Variants in PARP16 observed in about 807,000 individuals in gnomAD.
PARP16 encodes protein mono-ADP-ribosyltransferase PARP16.
Under a neutral mutation model 35.0 loss-of-function variants are expected in PARP16, and 31 were observed. That is an observed-to-expected ratio of 0.88 (90% CI 0.66 to 1.19). PARP16 has a LOEUF of 1.19. Ranked by LOEUF, PARP16 falls within the 50% of genes most tolerant of loss-of-function variation. The pLI is 0.00. For missense variants in PARP16, 424 were observed against 411.2 expected, an observed-to-expected ratio of 1.03 and a Z score of -0.27; for synonymous variants, 162 against 169.5, an observed-to-expected ratio of 0.96 and a Z score of 0.34.
intron 3 of PARP16, among the ~76,000 whole-genome samples, chr15:65,245,801 C>T (rs1191900932): frequency 1.3e-5 from 2 of 152,198 alleles, no homozygotes; most frequent in Non-Finnish European, 2.9e-5. Context: ...TTTGACCAGA[C>T]ATTCCCTGTC....
At chr15:65,235,743 G>C (rs2088862366) in intron 3 of PARP16, among the ~76,000 whole-genome samples, 1 of 151,564 alleles carries the variant, frequency 6.6e-6, no homozygotes, top group Non-Finnish European at 1.5e-5. Flanking sequence ...TGGAGTCGAG[G>C]GGGCAGTGAG....
At chr15:65,243,336 G>A (rs1000963311) in intron 3 of PARP16, among the ~76,000 whole-genome samples, 7 of 151,948 alleles carry the variant, frequency 4.6e-5, no homozygotes, top group African/African-American at 1.2e-4. Flanking sequence ...TGCAACCTCC[G>A]CCTCCCCAGG....
At chr15:65,247,798 CTTTTTTTTT>C (rs930896140) in intron 3 of PARP16, among the ~76,000 whole-genome samples, 1 of 90,994 alleles carries the variant, frequency 1.1e-5, no homozygotes, top group Non-Finnish European at 2.1e-5. Context: ...ATGGATTGTT[CTTTTTTTTT>C]TTTTTTTTTT....
Position 65,286,627 on chromosome 15 carries a change from C to T in PARP16, c.-201G>A, listed in dbSNP as rs915076878. Reference sequence around the variant, plus strand: ...TCCTCTGCCGGGGTCTGGGCCGCGGCTCGCCGCCGAAGAGAGAGACCGAGG... The same window carrying T: ...TCCTCTGCCGGGGTCTGGGCCGCGGTTCGCCGCCGAAGAGAGAGACCGAGG... On this transcript the variant is annotated 5_prime_UTR_variant, in exon 1 of 6. Transcript: ENST00000649807. 4.6e-6 allele frequency: 2 copies of T among 438,684 alleles called. No individual in the cohort carries two copies. Among genetic ancestry groups the T allele is most frequent in the Non-Finnish European group, 8.0e-6 (2 of 249,078 alleles). The allele number at this position is 438,684 out of a possible 1,614,324, so 27.2% of individuals were successfully genotyped here. A position where few individuals can be genotyped will look rare whatever the true frequency, so the allele number is the denominator to read the frequency against.
At chr15:65,243,154 C>T (rs896087724) in intron 3 of PARP16, among the ~76,000 whole-genome samples, 1 of 152,110 alleles carries the variant, frequency 6.6e-6, no homozygotes. Context: ...TGACTAGGAC[C>T]CCCAGTATAA....
intron 3 of PARP16, among the ~76,000 whole-genome samples, chr15:65,266,000 C>G (rs2089878678): frequency 6.6e-6 from 1 of 152,208 alleles, no homozygotes; most frequent in Admixed American, 6.5e-5. Flanking sequence ...ACGATCTCAG[C>G]TCACTGCCAC....
At chr15:65,256,699 G>A (rs2089523037), downstream of PARP16, among the ~76,000 whole-genome samples, 1 of 152,004 alleles carries the variant, frequency 6.6e-6, no homozygotes, top group African/African-American at 2.4e-5. Flanking sequence ...GAGCCACCGC[G>A]CCCGGCCGCC....
rs57790733 is a variant in PARP16, at chr15:65,235,639, CA to C, written c.*98-817del. On this transcript the variant is annotated intron_variant and NMD_transcript_variant, in intron 3 of 3. Transcript: ENST00000559805. Reference sequence around the variant, plus strand: ...GCAATATGGTAAAACCCTATCTCTACAAAAAAAAAAAAAAAAAAAATTAGCC... The same window carrying C: ...GCAATATGGTAAAACCCTATCTCTACAAAAAAAAAAAAAAAAAAATTAGCC... Among the ~76,000 whole-genome samples the C allele has an allele frequency of 5.6e-3, 470 of 83,682 alleles. 1 individual carries two copies. The highest frequency in any genetic ancestry group is 0.011 in the African/African-American group (195 of 18,450). 54.9% of individuals were successfully genotyped at this position (83,682 alleles called of 152,430 possible).
chr15:65,255,694 C>T (rs1053646554), downstream of PARP16, among the ~76,000 whole-genome samples: 11 of 126,044 alleles, frequency 8.7e-5, 1 homozygote, highest in South Asian at 2.8e-3. Context: ...CTTCTTTTTG[C>T]AGGGAGGGGG....
downstream of PARP16, among the ~76,000 whole-genome samples, chr15:65,233,217 T>C (rs1009962159): frequency 2.6e-5 from 4 of 151,424 alleles, no homozygotes; most frequent in African/African-American, 4.9e-5. Context: ...ATTGAGACCA[T>C]CCTGGCTAAC....
In PARP16 at chr15:65,259,324, G is replaced by C. The variant is rs924410348; in HGVS notation, c.*83C>G. The C allele has an allele frequency of 5.6e-6, 8 of 1,434,142 alleles. No homozygotes were observed. The highest frequency in any genetic ancestry group is 7.8e-6 in the Non-Finnish European group (8 of 1,028,052). The allele number at this position is 1,434,142 out of a possible 1,614,324, so 88.8% of individuals were successfully genotyped here. On this transcript the variant is annotated 3_prime_UTR_variant, in exon 6 of 6. Transcript: ENST00000649807. ...CCAACTGGCCCCTAGGCTCAACCTG[G>C]CTGGACATGAGGCATAGGAGGTACA...
intron 1 of PARP16, 133 bp downstream of exon 1, chr15:65,286,120 C>A: frequency 2.7e-6 from 2 of 735,204 alleles, no homozygotes; most frequent in Non-Finnish European, 4.2e-6. Flanking sequence ...CAAGGCAAGG[C>A]AAGACCAAGC....
downstream of PARP16, among the ~76,000 whole-genome samples, chr15:65,232,544 G>A (rs2088790140): frequency 1.3e-5 from 2 of 152,140 alleles, no homozygotes; most frequent in South Asian, 4.2e-4. Context: ...GCACACCACT[G>A]GTTCTCTCTA....
intron 3 of PARP16, among the ~76,000 whole-genome samples, chr15:65,239,454 G>GAA (rs1567007938): frequency 4.6e-5 from 2 of 43,626 alleles, no homozygotes; most frequent in Non-Finnish European, 9.6e-5. Context: ...AAAAAAAAAA[G>GAA]AGAGAAAAGA....
At chr15:65,237,754 G>A (rs1431712679) in intron 3 of PARP16, among the ~76,000 whole-genome samples, 1 of 152,166 alleles carries the variant, frequency 6.6e-6, no homozygotes, top group Non-Finnish European at 1.5e-5. Context: ...AGAACTGTAA[G>A]AGAATAAATC....
downstream of PARP16, among the ~76,000 whole-genome samples, chr15:65,256,526 G>T (rs1033634977): frequency 6.6e-6 from 1 of 150,592 alleles, no homozygotes; most frequent in Non-Finnish European, 1.5e-5. Flanking sequence ...TCCTGCCTGA[G>T]CCTCCCGAGT....
chr15:65,271,021 C>A lies in PARP16; in HGVS notation c.226G>T (p.Gly76Ter), dbSNP rs758083001. 4 of 1,613,876 alleles carry A rather than the reference C, an allele frequency of 2.5e-6. No homozygotes were observed. The Admixed American group carries it at 6.7e-5, about 27-fold the overall frequency. ...PNLKELLQSS[G>*]DNHKRAWDLV... The stretch of plus-strand genomic sequence containing the variant: ...TCCCAGGCCCGTTTGTGGTTGTCTC[C>A]GGAGGACTGGAGAAGTTCTTTCAGG... Residue 76 changes from glycine to a stop codon, truncating the protein, a stop_gained, in exon 2 of 6, where the codon GGA becomes TGA. Coordinates refer to ENST00000649807, the MANE Select transcript of PARP16 (RefSeq NM_001316943.2). LOFTEE classifies it high-confidence loss of function.
chr15:65,251,759 TTTTGTTCG>T (rs750057432), intron 2 of PARP16, among the ~76,000 whole-genome samples: 8 of 151,762 alleles, frequency 5.3e-5, no homozygotes, highest in Non-Finnish European at 8.8e-5. Context: ...TAGGTTTTTT[TTTTGTTCG>T]TTTGTTTGCT....
intron 2 of PARP16, among the ~76,000 whole-genome samples, chr15:65,269,176 T>TTTCTTTCTTTCTTTCTTTC (rs1555423774): frequency 6.8e-6 from 1 of 146,054 alleles, no homozygotes; most frequent in East Asian, 2.1e-4. Context: ...TAGTCGGTTT[T>TTTCTTTCTTTCTTTCTTTC]TTTCTTTCTT....
Sources: gnomAD v4.1 joint callset for allele counts (sites outside exome capture counted in the v4.1 genomes callset) on GRCh38, gnomAD v4.1.1 for gene constraint, MANE v1.5 for transcripts, NCBI Gene and HGNC (gene_info 2026-07-23, HGNC 2026-07-21) for gene names.